Variants in MCU observed in about 807,000 individuals in gnomAD.
MCU encodes calcium uniporter protein, mitochondrial.
A neutral mutation model predicts 45.2 loss-of-function variants in MCU; 12 were observed. The ratio of observed to expected loss-of-function variants is 0.27; its 90% confidence interval spans 0.17 to 0.43. The LOEUF is 0.43. MCU is among the 20% of genes least tolerant of loss of function. The pLI, the probability that MCU is intolerant of heterozygous loss-of-function variation, is 1.00. For synonymous variants in MCU, 160 were observed against 165.1 expected (o/e 0.97, Z 0.24); for missense variants, 324 against 436.7 (o/e 0.74, Z 2.30).
intron 4 of MCU, among the ~76,000 whole-genome samples, chr10:72,866,864 G>A (rs956365210): frequency 3.3e-5 from 5 of 151,786 alleles, no homozygotes; most frequent in East Asian, 1.9e-4. Context: ...TTACTGTGAC[G>A]TTCTGAACAA....
At chr10:72,731,214 C>T (rs1843169065) in intron 1 of MCU, 3 of 152,080 alleles carry the variant, frequency 2.0e-5, no homozygotes, top group East Asian at 1.9e-4. Flanking sequence ...AGGTGTGAGC[C>T]ACCACACCTG....
intron 1 of MCU, among the ~76,000 whole-genome samples, chr10:72,803,623 A>C (rs1844374814): frequency 6.6e-6 from 1 of 151,898 alleles, no homozygotes; most frequent in Non-Finnish European, 1.5e-5. Context: ...GAAAACCTTT[A>C]TGAAAGTTGG....
chr10:72,793,790 G>A (rs915892710), intron 1 of MCU, among the ~76,000 whole-genome samples: 4 of 152,068 alleles, frequency 2.6e-5, no homozygotes, highest in East Asian at 1.9e-4. Context: ...CAAAAGATCC[G>A]GGTGTGTTGC....
intron 2 of MCU, among the ~76,000 whole-genome samples, chr10:72,857,938 A>G (rs935009149): frequency 2.6e-5 from 4 of 152,204 alleles, no homozygotes; most frequent in Non-Finnish European, 5.9e-5. Context: ...GGTTCTGTCT[A>G]GCCAAGCTCA....
chr10:72,780,819 G>A (rs1843981398), intron 1 of MCU, among the ~76,000 whole-genome samples: 1 of 152,008 alleles, frequency 6.6e-6, no homozygotes, highest in Non-Finnish European at 1.5e-5. Context: ...ACACTCACAG[G>A]CTTATTTGTG....
chr10:72,710,268 G>A (rs1018465213), intron 1 of MCU, among the ~76,000 whole-genome samples: 3 of 152,140 alleles, frequency 2.0e-5, no homozygotes, highest in African/African-American at 4.8e-5. Flanking sequence ...GAGCTATAGC[G>A]CCTGGTTAAT....
intron 1 of MCU, among the ~76,000 whole-genome samples, chr10:72,827,731 A>T (rs1006192169): frequency 6.6e-6 from 1 of 152,070 alleles, no homozygotes; most frequent in Non-Finnish European, 1.5e-5. Context: ...CACTTTCCTT[A>T]AGTGAAACCA....
At chr10:72,796,853 A>G (rs575922135) in intron 1 of MCU, among the ~76,000 whole-genome samples, 65 of 152,144 alleles carry the variant, frequency 4.3e-4, no homozygotes, top group African/African-American at 1.4e-3. Context: ...CTTGACCAAG[A>G]ATTATTTAAC....
intron 1 of MCU, among the ~76,000 whole-genome samples, chr10:72,834,141 G>A (rs778208766): frequency 2.0e-5 from 3 of 152,096 alleles, no homozygotes; most frequent in Non-Finnish European, 2.9e-5. Context: ...AAATGTGTTT[G>A]CATAAATCTT....
chr10:72,708,372 T>C (rs1842849551), intron 1 of MCU: 1 of 152,206 alleles, frequency 6.6e-6, no homozygotes, highest in African/African-American at 2.4e-5. Flanking sequence ...AGTATTGAAG[T>C]AAGATGGGAC....
intron 6 of MCU, among the ~76,000 whole-genome samples, chr10:72,883,282 A>G (rs1845733296): frequency 6.6e-6 from 1 of 152,144 alleles, no homozygotes; most frequent in Non-Finnish European, 1.5e-5. Context: ...GGTGATGAAA[A>G]TGTTCTAAAA....
chr10:72,818,027 A>C (rs1191159415), intron 1 of MCU, among the ~76,000 whole-genome samples: 1 of 152,248 alleles, frequency 6.6e-6, no homozygotes, highest in Non-Finnish European at 1.5e-5. Context: ...AGCTGCTTGA[A>C]AATAAGCAAA....
At chr10:72,820,654 G>A (rs1844697251) in intron 1 of MCU, among the ~76,000 whole-genome samples, 1 of 152,036 alleles carries the variant, frequency 6.6e-6, no homozygotes, top group Admixed American at 6.5e-5. Context: ...GGGATTACAG[G>A]TGCCCGCCAC....
chr10:72,787,818 A>G (rs112884470), intron 1 of MCU, among the ~76,000 whole-genome samples: 1 of 151,702 alleles, frequency 6.6e-6, no homozygotes, highest in African/African-American at 2.4e-5. Flanking sequence ...TCTCAGGTTC[A>G]AGCGATTCTC....
At chr10:72,819,365 A>G (rs112164384) in intron 1 of MCU, among the ~76,000 whole-genome samples, 1 of 152,334 alleles carries the variant, frequency 6.6e-6, no homozygotes, top group African/African-American at 2.4e-5. Context: ...TAGCCCTTTC[A>G]TTAATTGTTG....
chr10:72,883,632 C>T lies in MCU; in HGVS notation c.862-634C>T, dbSNP rs1002731831. Among the ~76,000 whole-genome samples, 3 of 152,100 alleles carry T rather than the reference C, an allele frequency of 2.0e-5. No individual in the cohort carries two copies. The East Asian group carries it at 5.8e-4, about 29-fold the overall frequency. On this transcript the variant is annotated intron_variant, in intron 6 of 7. Coordinates refer to ENST00000373053, the MANE Select transcript of MCU (RefSeq NM_138357.3). Reference sequence around the variant, plus strand: ...ATATCTCCAGCAGAAGAGATAAATCCAGAAATGCTTTTGGCAGCATTATTA... The same window carrying T: ...ATATCTCCAGCAGAAGAGATAAATCTAGAAATGCTTTTGGCAGCATTATTA...
intron 1 of MCU, among the ~76,000 whole-genome samples, chr10:72,744,748 A>G (rs910153202): frequency 2.6e-5 from 4 of 152,230 alleles, no homozygotes; most frequent in African/African-American, 9.6e-5. Flanking sequence ...TCTTAAAAAC[A>G]TCTGGTTCTA....
rs1289729267 is a variant in MCU at position 72,886,458 on chromosome 10, T to G, written c.*636T>G. ...CACTTTAGATTATCTCTTAATACCT[T>G]CTTAAATGTCTATATATCCCAGTGC... On this transcript the variant is annotated 3_prime_UTR_variant, in exon 8 of 8. Transcript: ENST00000373053. The G allele has an allele frequency of 6.6e-6, 1 of 152,356 alleles. No individual in the cohort carries two copies. Among genetic ancestry groups the G allele is most frequent in the Admixed American group, 6.5e-5 (1 of 15,282 alleles). The allele number at this position is 152,356 out of a possible 1,614,324, so 9.4% of individuals were successfully genotyped here.
At position 72,692,272 on chromosome 10, in the gene MCU, C is replaced by A; in HGVS notation, c.121C>A (p.Arg41Ser). 8.1e-7 allele frequency: 1 copy of A among 1,229,482 alleles called. No individual in the cohort carries two copies. The highest frequency in any genetic ancestry group is 3.1e-4 in the Middle Eastern group (1 of 3,180). 76.2% of individuals were successfully genotyped at this position (1,229,482 alleles called of 1,614,324 possible). ...AGCFPGLGVS[R>S]HRQQQHHRTV... ...CTGCTTCCCTGGGCTGGGCGTCAGC[C>A]GCCACCGGCAGCAGCAGCACCACCG... is the stretch of plus-strand genomic sequence containing the variant. The change falls in exon 1 of 8, where the codon CGC (arginine) becomes AGC (serine). Residue 41 changes from arginine (R) to serine (S), a missense_variant. By Grantham distance (110) the Arg-to-Ser change is moderately radical. Transcript: ENST00000373053.
Sources: allele counts gnomAD v4.1 joint callset (sites outside exome capture counted in the v4.1 genomes callset), GRCh38; gene constraint gnomAD v4.1.1; transcripts MANE v1.5; gene names NCBI Gene and HGNC (gene_info 2026-07-23, HGNC 2026-07-21).